The following RYR2 variants were observed in gnomAD, a reference collection of about 807,000 sequenced individuals.
RYR2 encodes the protein ryanodine receptor 2.
RYR2 carries 227 observed loss-of-function variants against 601.1 expected under a neutral mutation model. The observed-to-expected ratio is 0.38, with a 90% confidence interval of 0.34 to 0.42. The LOEUF is 0.42. Among genes scored for constraint, RYR2 ranks in the 10% least tolerant of loss-of-function variants. The pLI is 1.00. For missense variants in RYR2, 4,646 were observed against 6,156.5 expected (o/e 0.75, Z 8.21); for synonymous variants, 2,223 against 2,175.1 (o/e 1.02, Z -0.61).
At chr1:237,060,688 C>T (rs1662726134) in intron 1 of RYR2, among the ~76,000 whole-genome samples, 4 of 152,100 alleles carry the variant, frequency 2.6e-5, no homozygotes, top group African/African-American at 9.7e-5. Flanking sequence ...TCTTTTGTGT[C>T]TAGTTTCTTT....
In RYR2 at chr1:237,456,353, A is replaced by G. The variant is rs61380594; in HGVS notation, c.1477-247A>G. Among the ~76,000 whole-genome samples, 8,023 of 152,226 alleles carry G rather than the reference A, an allele frequency of 0.053. 657 individuals carry two copies. The highest frequency in any genetic ancestry group is 0.18 in the African/African-American group (7,550 of 41,492). On this transcript the variant is annotated intron_variant, in intron 15 of 104. Transcript: ENST00000366574. ...AGTATGAAGTACATATTTTTAGGTT[A>G]TTCTTCCACTGCTATTTGATGATGG...
At chr1:237,698,420 G>T (rs990150220) in intron 63 of RYR2, among the ~76,000 whole-genome samples, 1 of 151,526 alleles carries the variant, frequency 6.6e-6, no homozygotes, top group Non-Finnish European at 1.5e-5. Context: ...TTTACATGAC[G>T]TTTTGGTGCT....
At chr1:237,291,275 C>T (rs1214532367) in intron 2 of RYR2, among the ~76,000 whole-genome samples, 1 of 151,948 alleles carries the variant, frequency 6.6e-6, no homozygotes, top group East Asian at 1.9e-4. Context: ...AAATCCAAAA[C>T]TCAGACAACA....
intron 34 of RYR2, among the ~76,000 whole-genome samples, chr1:237,599,742 G>A (rs1676286474): frequency 6.8e-6 from 1 of 146,118 alleles, no homozygotes; most frequent in Non-Finnish European, 1.5e-5. Flanking sequence ...AGAATCACTT[G>A]AACCCAGGAG....
At chr1:237,446,934 TG>T (rs1190134404) in intron 14 of RYR2, among the ~76,000 whole-genome samples, 16 of 152,226 alleles carry the variant, frequency 1.1e-4, no homozygotes, top group African/African-American at 3.6e-4. Context: ...AAGTTCTACT[TG>T]GAAATTATAA....
chr1:237,547,225 C>T lies in RYR2; in HGVS notation c.2907-1206C>T, dbSNP rs1456270105. On this transcript the variant is annotated intron_variant, in intron 25 of 104. Coordinates refer to ENST00000366574, the MANE Select transcript of RYR2 (RefSeq NM_001035.3). The stretch of plus-strand genomic sequence containing the variant: ...TTCACCATGTTGGCCAGGCTGGTCT[C>T]GAACTCCTGGCCTCATGTGATCCAC... 4.6e-5 allele frequency among the ~76,000 whole-genome samples: 7 copies of T among 151,642 alleles called. No homozygotes were observed. The East Asian group carries it at 5.9e-4, about 13-fold the overall frequency.
chr1:237,424,750 T>C (rs944867241), intron 12 of RYR2, among the ~76,000 whole-genome samples: 2 of 152,236 alleles, frequency 1.3e-5, no homozygotes, highest in Non-Finnish European at 2.9e-5. Context: ...ATTTTCTGTA[T>C]GCTTAATAAA....
intron 1 of RYR2, among the ~76,000 whole-genome samples, chr1:237,160,123 C>T (rs1675841228): frequency 6.6e-6 from 1 of 152,166 alleles, no homozygotes; most frequent in African/African-American, 2.4e-5. Context: ...CTGTTATCAA[C>T]AGCAGAATCT....
chr1:237,085,440 CT>C (rs1205115818), intron 1 of RYR2, among the ~76,000 whole-genome samples: 2 of 152,192 alleles, frequency 1.3e-5, no homozygotes, highest in Non-Finnish European at 2.9e-5. Context: ...AAATTCTTAA[CT>C]TGCTCCGCAT....
chr1:237,264,015 T>TGA, intron 1 of RYR2, among the ~76,000 whole-genome samples: 1 of 152,238 alleles, frequency 6.6e-6, no homozygotes, highest in South Asian at 2.1e-4. Context: ...TCTGTGTGTG[T>TGA]GACCTCACAG....
chr1:237,640,034 A>C (rs1047036783), intron 46 of RYR2, among the ~76,000 whole-genome samples: 1 of 145,290 alleles, frequency 6.9e-6, no homozygotes, highest in African/African-American at 2.6e-5. Flanking sequence ...CACACACACC[A>C]TGCTACATGC....
At chr1:237,635,533 G>T (rs1308228648) in intron 44 of RYR2, among the ~76,000 whole-genome samples, 2 of 152,160 alleles carry the variant, frequency 1.3e-5, no homozygotes, top group Non-Finnish European at 1.5e-5. Context: ...CCACACATGT[G>T]TATTACCAGC....
intron 56 of RYR2, 108 bp from the exon 57 acceptor site, chr1:237,666,404 T>C: frequency 1.1e-6 from 1 of 920,104 alleles, no homozygotes; most frequent in Non-Finnish European, 1.7e-6. Flanking sequence ...CAGTTTTATC[T>C]AAGGAAACAC....
chr1:237,742,869 G>A (rs187943794), intron 80 of RYR2, among the ~76,000 whole-genome samples: 1 of 152,286 alleles, frequency 6.6e-6, no homozygotes, highest in Admixed American at 6.5e-5. Flanking sequence ...GGACTGTATT[G>A]TAGTTTACAA....
intron 82 of RYR2, 63 bp downstream of exon 82, chr1:237,757,839 C>T (rs1208831456): frequency 9.7e-7 from 1 of 1,029,222 alleles, no homozygotes; most frequent in Admixed American, 1.8e-5. Context: ...TAGTAAAGAA[C>T]TATTTGTTGT....
intron 34 of RYR2, among the ~76,000 whole-genome samples, chr1:237,596,667 G>A (rs189791637): frequency 7.1e-4 from 108 of 152,206 alleles, no homozygotes; most frequent in Non-Finnish European, 1.2e-3. Context: ...AAGCTCAAAG[G>A]ATCTCAAGAG....
chr1:237,545,875 C>A (rs1669748473), intron 25 of RYR2, among the ~76,000 whole-genome samples: 1 of 151,200 alleles, frequency 6.6e-6, no homozygotes, highest in African/African-American at 2.4e-5. Flanking sequence ...GCCTGGGCAA[C>A]AAAGTGAGAC....
intron 79 of RYR2, 26 bp from the exon 80 acceptor site, chr1:237,742,270 C>CCTTTTTTTTTTTTTTTTTTTTTT: frequency 8.4e-7 from 1 of 1,183,502 alleles, no homozygotes; most frequent in Non-Finnish European, 1.2e-6. Context: ...TTCCTGTCTC[C>CCTTTTTTTTTTTTTTTTTTTTTT]TTTTTTTTTT....
At chr1:237,142,867 G>A (rs534771833) in intron 1 of RYR2, among the ~76,000 whole-genome samples, 142 of 152,180 alleles carry the variant, frequency 9.3e-4, no homozygotes, top group East Asian at 1.2e-3. Context: ...AATACAGATG[G>A]AAACCAGCAT....
Sources: gnomAD v4.1 joint callset for allele counts (sites outside exome capture counted in the v4.1 genomes callset) on GRCh38, gnomAD v4.1.1 for gene constraint, MANE v1.5 for transcripts, NCBI Gene and HGNC (gene_info 2026-07-23, HGNC 2026-07-21) for gene names.